ARID1B: variants seen among roughly 807,000 people sequenced by gnomAD.
ARID1B encodes AT-rich interaction domain 1B.
Under a neutral mutation model 212.3 loss-of-function variants are expected in ARID1B, and 30 were observed. The ratio of observed to expected loss-of-function variants is 0.14; its 90% confidence interval spans 0.11 to 0.19. The LOEUF is 0.19. Ranked by LOEUF, ARID1B falls within the 10% of genes least tolerant of loss-of-function variation. The pLI is 1.00. For missense variants in ARID1B, 2,891 were observed against 3,204.0 expected (o/e 0.90, Z 2.36); for synonymous variants, 1,402 against 1,301.7 (o/e 1.08, Z -1.66).
intron 4 of ARID1B, among the ~76,000 whole-genome samples, chr6:157,027,985 G>A (rs1046906454): frequency 6.6e-6 from 1 of 152,156 alleles, no homozygotes; most frequent in Non-Finnish European, 1.5e-5. Flanking sequence ...TAGGAAAAGA[G>A]TTTATTTATT....
intron 4 of ARID1B, among the ~76,000 whole-genome samples, chr6:157,042,505 A>G (rs547387468): frequency 1.3e-5 from 2 of 152,302 alleles, no homozygotes; most frequent in Admixed American, 6.5e-5. Context: ...GATATAAACT[A>G]TTAAAAATAC....
At position 157,200,509 on chromosome 6, in the gene ARID1B, T is replaced by C. The variant is rs1794019737; in HGVS notation, c.4480-196T>C. Among the ~76,000 whole-genome samples the C allele has an allele frequency of 6.6e-6, 1 of 152,040 alleles. No individual in the cohort carries two copies. Among genetic ancestry groups the C allele is most frequent in the Non-Finnish European group, 1.5e-5 (1 of 67,988 alleles). On this transcript the variant is annotated intron_variant, in intron 17 of 19. Transcript: ENST00000636930. The surrounding 1 kb of genome is among the most constrained non-coding windows in gnomAD (Gnocchi z 4.3). ...ACGTGAAAACAAACTTTGGATGCTCTCTCCTCAGTGTGTGACATGGTGTAT... is the reference window on the plus strand; with the variant it reads ...ACGTGAAAACAAACTTTGGATGCTCCCTCCTCAGTGTGTGACATGGTGTAT...
chr6:157,117,897 C>T (rs898126916), intron 6 of ARID1B, among the ~76,000 whole-genome samples: 1 of 152,162 alleles, frequency 6.6e-6, no homozygotes, highest in African/African-American at 2.4e-5. Flanking sequence ...TCCATGACTG[C>T]ACAGCTGTAC....
At chr6:156,857,942 A>G (rs1037787843) in intron 2 of ARID1B, among the ~76,000 whole-genome samples, 1 of 152,240 alleles carries the variant, frequency 6.6e-6, no homozygotes, top group African/African-American at 2.4e-5. Flanking sequence ...CAACATATTG[A>G]AACATAGAAA....
intron 6 of ARID1B, among the ~76,000 whole-genome samples, chr6:157,129,373 G>A (rs995702882): frequency 3.3e-5 from 5 of 152,184 alleles, no homozygotes; most frequent in East Asian, 1.9e-4. Context: ...GTCCACTGCC[G>A]TTAGATGATG....
chr6:157,176,616 C>T (rs558274451), intron 11 of ARID1B, among the ~76,000 whole-genome samples: 158 of 152,232 alleles, frequency 1.0e-3, no homozygotes, highest in African/African-American at 3.7e-3. Flanking sequence ...GAGGACGAGG[C>T]GAGTGGATCA....
chr6:156,804,867 C>CAAAA (rs61315445), intron 1 of ARID1B, among the ~76,000 whole-genome samples: 19 of 85,100 alleles, frequency 2.2e-4, no homozygotes, highest in Admixed American at 2.8e-4. Context: ...ATCTGATTGG[C>CAAAA]AAAAAAAAAA....
At chr6:156,817,268 C>T (rs1266101075) in intron 1 of ARID1B, among the ~76,000 whole-genome samples, 4 of 151,646 alleles carry the variant, frequency 2.6e-5, no homozygotes, top group African/African-American at 4.9e-5. Flanking sequence ...CACTTGAATC[C>T]GGGAGGTGGA....
At chr6:157,066,137 G>T (rs1783663758) in intron 4 of ARID1B, among the ~76,000 whole-genome samples, 1 of 152,188 alleles carries the variant, frequency 6.6e-6, no homozygotes, top group African/African-American at 2.4e-5. Context: ...ACATGAAAAT[G>T]TGAGAGGGTT....
Position 156,804,885 on chromosome 6 carries a change from A to G in ARID1B, c.1792-24342A>G, listed in dbSNP as rs919246732. Among the ~76,000 whole-genome samples, 6 of 151,520 alleles carry G rather than the reference A, an allele frequency of 4.0e-5. No homozygotes were observed. The East Asian group carries it at 7.7e-4, about 20-fold the overall frequency. ...TGATTGGCAAAAAAAAAAAAAAAAAAAAAAGAAATTGGCCCTTTTTGTGTC... is the reference window on the plus strand; with the variant it reads ...TGATTGGCAAAAAAAAAAAAAAAAAGAAAAGAAATTGGCCCTTTTTGTGTC... On this transcript the variant is annotated intron_variant, in intron 1 of 19. Transcript: ENST00000636930.
intron 2 of ARID1B, among the ~76,000 whole-genome samples, chr6:156,886,667 C>A (rs1426934361): frequency 3.3e-5 from 5 of 152,194 alleles, no homozygotes; most frequent in Non-Finnish European, 1.5e-5. Flanking sequence ...GGTTTCCTAG[C>A]CCTTGACCGT....
At chr6:157,078,969 T>C (rs567987401) in intron 4 of ARID1B, among the ~76,000 whole-genome samples, 2 of 152,348 alleles carry the variant, frequency 1.3e-5, no homozygotes, top group South Asian at 4.1e-4. Context: ...TCTTGTGTTA[T>C]CTCTGGCTTT....
chr6:157,078,882 G>A (rs141316982), intron 4 of ARID1B, among the ~76,000 whole-genome samples: 34 of 152,276 alleles, frequency 2.2e-4, no homozygotes, highest in Admixed American at 6.5e-4. Context: ...TAACACAAAC[G>A]TATCAGGTGA....
intron 15 of ARID1B, among the ~76,000 whole-genome samples, chr6:157,191,759 T>TG (rs1793390755): frequency 6.6e-6 from 1 of 152,190 alleles, no homozygotes; most frequent in Non-Finnish European, 1.5e-5. Flanking sequence ...TGTATATTAT[T>TG]GGAAAAAAAC....
At chr6:157,139,538 T>C (rs1789187310) in intron 7 of ARID1B, among the ~76,000 whole-genome samples, 1 of 152,010 alleles carries the variant, frequency 6.6e-6, no homozygotes, top group Admixed American at 6.6e-5. Flanking sequence ...GCAGTCTGTG[T>C]GGGGCATGCA....
chr6:157,131,197 A>G (rs111776331), intron 6 of ARID1B, among the ~76,000 whole-genome samples: 5 of 152,286 alleles, frequency 3.3e-5, no homozygotes, highest in African/African-American at 1.2e-4. Context: ...TTAAAAAGCA[A>G]TAGTTTTGTT....
chr6:156,850,926 T>C (rs1420217147), intron 2 of ARID1B, among the ~76,000 whole-genome samples: 1 of 152,234 alleles, frequency 6.6e-6, no homozygotes, highest in African/African-American at 2.4e-5. Context: ...TCCCCCATCA[T>C]CTTTCCACTC....
At chr6:156,976,073 G>T (rs1380594582) in intron 4 of ARID1B, among the ~76,000 whole-genome samples, 1 of 152,076 alleles carries the variant, frequency 6.6e-6, no homozygotes, top group African/African-American at 2.4e-5. Context: ...TAAGCGCAAG[G>T]GCTGGGAGGG....
rs543046347 is a variant in ARID1B at position 157,194,743 on chromosome 6, G to A, written c.4232-1422G>A. The A allele has an allele frequency of 5.3e-5, 8 of 152,178 alleles. No homozygotes were observed. In the South Asian group the frequency reaches 1.7e-3, roughly 32 times the overall value. 9.4% of individuals were successfully genotyped at this position (152,178 alleles called of 1,614,324 possible). A position where few individuals can be genotyped will look rare whatever the true frequency, so the allele number is the denominator to read the frequency against. On this transcript the variant is annotated intron_variant, in intron 15 of 19. Coordinates refer to ENST00000636930, the MANE Select transcript of ARID1B (RefSeq NM_001374828.1). Reference sequence around the variant, plus strand: ...AAGGTTTTCACCTTTTTTCTTATGGGAGAAGGGAACTAACTTTGTATACAT... The same window carrying A: ...AAGGTTTTCACCTTTTTTCTTATGGAAGAAGGGAACTAACTTTGTATACAT...
Sources: allele counts gnomAD v4.1 joint callset (sites outside exome capture counted in the v4.1 genomes callset), GRCh38; gene constraint gnomAD v4.1.1; non-coding constraint Gnocchi (gnomAD v3.1); transcripts MANE v1.5; gene names NCBI Gene and HGNC (gene_info 2026-07-23, HGNC 2026-07-21).